PRDX1: variants seen among roughly 807,000 people sequenced by gnomAD.
PRDX1 encodes peroxiredoxin-1.
A neutral mutation model predicts 20.7 loss-of-function variants in PRDX1; 19 were observed. The ratio of observed to expected loss-of-function variants is 0.92; its 90% CI spans 0.64 to 1.35. The LOEUF (loss-of-function observed/expected upper bound fraction) is 1.35. Among genes scored for constraint, PRDX1 ranks in the 40% most tolerant of loss-of-function variants. PRDX1 has a pLI of 0.00. For missense variants in PRDX1, 226 were observed against 240.0 expected (o/e 0.94, Z 0.38); for synonymous variants, 89 against 83.9 (o/e 1.06, Z -0.33).
intron 2 of PRDX1, 136 bp from the exon 3 acceptor site, chr1:45,515,943 T>G: frequency 2.4e-6 from 2 of 822,216 alleles, no homozygotes; most frequent in Non-Finnish European, 3.5e-6. Context: ...AGATGTCTCC[T>G]AGAAGCTACT....
upstream of PRDX1, chr1:45,522,016 A>C (rs1643919533): frequency 6.6e-6 from 1 of 152,366 alleles, no homozygotes; most frequent in East Asian, 1.9e-4. Flanking sequence ...CCCCGCCGGA[A>C]TGACTCGGCG....
chr1:45,511,198 G>A lies in PRDX1; in HGVS notation c.*131C>T. On this transcript the variant is annotated 3_prime_UTR_variant, in exon 6 of 6. Transcript: ENST00000319248. ...GGTCTCTCCACCCCCTGTAGGAAAG[G>A]CCTGCCTTGTAAGACACCACAATTC... 1 of 774,038 alleles carries A rather than the reference G, an allele frequency of 1.3e-6. No homozygotes were observed. The highest frequency in any genetic ancestry group is 1.9e-5 in the South Asian group (1 of 52,220). The allele number at this position is 774,038 out of a possible 1,614,324, so 47.9% of individuals were successfully genotyped here.
intron 1 of PRDX1, among the ~76,000 whole-genome samples, chr1:45,520,491 G>A (rs1021216468): frequency 6.6e-5 from 10 of 152,042 alleles, no homozygotes; most frequent in Non-Finnish European, 1.5e-4. Context: ...GGGAGGCCGA[G>A]GCAGGCAGAT....
upstream of PRDX1, chr1:45,522,790 G>C (rs892718309): frequency 6.6e-6 from 1 of 152,120 alleles, no homozygotes; most frequent in African/African-American, 2.4e-5. Context: ...TGTCGCCCAG[G>C]CTGTAGTGCA....
chr1:45,511,224 G>T lies in PRDX1; in HGVS notation c.*105C>A. ...CCTGCCTTGTAAGACACCACAATTC[G>T]GCTGAATCTGAAGTCTTGTGTTTTA... On this transcript the variant is annotated 3_prime_UTR_variant, in exon 6 of 6. Transcript: ENST00000319248. The T allele has an allele frequency of 1.0e-6, 1 of 965,068 alleles. No homozygotes were observed. The highest frequency in any genetic ancestry group is 1.7e-5 in the South Asian group (1 of 58,726). The allele number at this position is 965,068 out of a possible 1,614,324, so 59.8% of individuals were successfully genotyped here.
At chr1:45,518,159 T>G (rs1643877291) in intron 2 of PRDX1, among the ~76,000 whole-genome samples, 1 of 151,610 alleles carries the variant, frequency 6.6e-6, no homozygotes, top group Admixed American at 6.6e-5. Context: ...GGCGCCCAGC[T>G]CTACAAAAAG....
intron 1 of PRDX1, among the ~76,000 whole-genome samples, chr1:45,520,327 G>T (rs1466348711): frequency 6.6e-6 from 1 of 151,936 alleles, no homozygotes; most frequent in Non-Finnish European, 1.5e-5. Flanking sequence ...GTGGGTTCCT[G>T]ACTTTGGGGC....
At chr1:45,516,921 T>G (rs1334128002) in intron 2 of PRDX1, among the ~76,000 whole-genome samples, 1 of 150,690 alleles carries the variant, frequency 6.6e-6, no homozygotes, top group African/African-American at 2.5e-5. Flanking sequence ...CTGGGGAGGC[T>G]GAGCCAGGAG....
chr1:45,522,669 C>G (rs901808364), upstream of PRDX1: 3 of 152,118 alleles, frequency 2.0e-5, no homozygotes, highest in Non-Finnish European at 2.9e-5. Flanking sequence ...ATGTAGCCTC[C>G]CATAAAACAA....
chr1:45,515,968 C>CTAA (rs1332136091), intron 2 of PRDX1, among the ~76,000 whole-genome samples, 161 bp from the exon 3 acceptor site: 1 of 152,192 alleles, frequency 6.6e-6, no homozygotes, highest in African/African-American at 2.4e-5. Flanking sequence ...GAACCTGGTG[C>CTAA]ATTAGGAATA....
rs369194775 is a variant in PRDX1, at chr1:45,518,336, G to A, written c.106+602C>T. Among the ~76,000 whole-genome samples, 10 of 151,800 alleles carry A rather than the reference G, an allele frequency of 6.6e-5. No individual in the cohort carries two copies. The South Asian group carries it at 8.4e-4, about 13-fold the overall frequency. Reference sequence around the variant, plus strand: ...AAAAAAATTAGCCAGGCATGATGGCGCATGCCTGTAATCCCAGCTACTCGG... The same window carrying A: ...AAAAAAATTAGCCAGGCATGATGGCACATGCCTGTAATCCCAGCTACTCGG... On this transcript the variant is annotated intron_variant, in intron 2 of 5. Coordinates refer to ENST00000319248, the MANE Select transcript of PRDX1 (RefSeq NM_181697.3).
At chr1:45,518,359 C>T (rs1387456167) in intron 2 of PRDX1, among the ~76,000 whole-genome samples, 5 of 144,328 alleles carry the variant, frequency 3.5e-5, no homozygotes, top group Non-Finnish European at 6.0e-5. Context: ...CCCAGCTACT[C>T]GGGAGGCTGA....
At position 45,511,278 on chromosome 1, in the gene PRDX1, T is replaced by G; in HGVS notation, c.*51A>C. The G allele has an allele frequency of 1.4e-6, 2 of 1,425,696 alleles. No homozygotes were observed. Among genetic ancestry groups the G allele is most frequent in the East Asian group, 2.4e-5 (1 of 41,656 alleles). The allele number at this position is 1,425,696 out of a possible 1,614,324, so 88.3% of individuals were successfully genotyped here. On this transcript the variant is annotated 3_prime_UTR_variant, in exon 6 of 6. Coordinates refer to ENST00000319248, the MANE Select transcript of PRDX1 (RefSeq NM_181697.3). The stretch of plus-strand genomic sequence containing the variant: ...ATGGAAAAAAAAAATACAGAAGAGG[T>G]TTTGTTCTCATGGCTGCCCACCGCA...
chr1:45,520,188 G>C (rs2883968), intron 1 of PRDX1, among the ~76,000 whole-genome samples: 41,954 of 139,988 alleles, frequency 0.3, 6,780 homozygotes, highest in African/African-American at 0.44. Context: ...CTGGGCAACA[G>C]AGTGAGACTC....
chr1:45,522,657 G>A (rs943974063), upstream of PRDX1: 10 of 152,150 alleles, frequency 6.6e-5, no homozygotes, highest in Admixed American at 5.2e-4. Flanking sequence ...AACCTTTAAA[G>A]TATGTAGCCT....
chr1:45,514,690 T>A, intron 4 of PRDX1, 53 bp from the exon 5 acceptor site: 1 of 1,607,694 alleles, frequency 6.2e-7, no homozygotes, highest in Non-Finnish European at 8.5e-7. Context: ...TGTGCTTTGT[T>A]AGAATACAGA....
intron 2 of PRDX1, 54 bp from the exon 3 acceptor site, chr1:45,515,861 A>ATTGCTTTT: frequency 6.8e-7 from 1 of 1,465,348 alleles, no homozygotes; most frequent in South Asian, 1.4e-5. Flanking sequence ...TCCTTGCTTT[A>ATTGCTTTT]TATTTTCCTA....
chr1:45,519,100 A>G, intron 1 of PRDX1, 46 bp from the exon 2 acceptor site: 1 of 1,380,564 alleles, frequency 7.2e-7, no homozygotes, highest in South Asian at 1.3e-5. Context: ...AATTTTCTAC[A>G]TAACCAGCAG....
chr1:45,514,939 G>A lies in PRDX1; in HGVS notation c.317C>T (p.Ser106Leu), dbSNP rs11544930. ...CTGAGCAATGGTGCGCTTCGGGTCT[G>A]ATACCAAAGGAATGTTCATGGGTCC... ...GLGPMNIPLV[S>L]DPKRTIAQDY... The change falls in exon 4 of 6, where the codon TCA (serine) becomes TTA (leucine). Residue 106 changes from serine (S) to leucine (L), a missense_variant. Coordinates refer to ENST00000319248, the MANE Select transcript of PRDX1 (RefSeq NM_181697.3). 6.2e-7 allele frequency: 1 copy of A among 1,614,230 alleles called. No homozygotes were observed. The highest frequency in any genetic ancestry group is 1.1e-5 in the South Asian group (1 of 91,084).
Sources: allele counts gnomAD v4.1 joint callset (sites outside exome capture counted in the v4.1 genomes callset), GRCh38; gene constraint gnomAD v4.1.1; transcripts MANE v1.5; gene names NCBI Gene and HGNC (gene_info 2026-07-23, HGNC 2026-07-21).